The following TENM4 variants were observed in gnomAD, a reference collection of about 807,000 sequenced individuals.
The protein encoded by TENM4 is teneurin-4.
In TENM4, 82 loss-of-function variants were observed where a neutral mutation model predicts 243.3. That is an observed-to-expected ratio of 0.34 (90% CI 0.28 to 0.40). The LOEUF is 0.40. Among genes scored for constraint, TENM4 ranks in the 10% least tolerant of loss-of-function variants. The pLI is 1.00. For synonymous variants in TENM4, 1,412 were observed against 1,456.3 expected (o/e 0.97, Z 0.69); for missense variants, 3,138 against 3,673.3 (o/e 0.85, Z 3.77).
chr11:79,362,537 C>G (rs1000312064), intron 1 of TENM4, among the ~76,000 whole-genome samples: 1 of 152,186 alleles, frequency 6.6e-6, no homozygotes, highest in Admixed American at 6.5e-5. Context: ...ATTTCCAGAA[C>G]AAGTTCCCAC....
intron 6 of TENM4, among the ~76,000 whole-genome samples, chr11:78,920,597 T>A (rs1057308185): frequency 1.3e-5 from 2 of 152,134 alleles, no homozygotes; most frequent in African/African-American, 4.8e-5. Flanking sequence ...ATTGATTTTT[T>A]TTTTCTCCCC....
intron 1 of TENM4, among the ~76,000 whole-genome samples, chr11:79,361,177 GC>G (rs1357459685): frequency 6.6e-6 from 1 of 152,196 alleles, no homozygotes; most frequent in African/African-American, 2.4e-5. Flanking sequence ...CCACCCCTCT[GC>G]AGAAATTGGG....
chr11:78,996,232 C>T (rs907682025), intron 6 of TENM4, among the ~76,000 whole-genome samples: 2 of 152,170 alleles, frequency 1.3e-5, no homozygotes, highest in African/African-American at 2.4e-5. Flanking sequence ...TAGCTCTGGG[C>T]CCACACCCTA....
chr11:78,945,230 C>T (rs1856983721), intron 6 of TENM4, among the ~76,000 whole-genome samples: 1 of 152,180 alleles, frequency 6.6e-6, no homozygotes, highest in Non-Finnish European at 1.5e-5. Context: ...GCCATTTTTC[C>T]AACAGCACAT....
intron 4 of TENM4, among the ~76,000 whole-genome samples, chr11:79,148,071 C>T (rs78670777): frequency 7.3e-4 from 111 of 152,190 alleles, no homozygotes; most frequent in African/African-American, 2.6e-3. Context: ...TGAACCCAGG[C>T]CTGCTCTTTG....
chr11:78,674,420 C>T (rs183674552), intron 30 of TENM4, among the ~76,000 whole-genome samples: 1 of 152,274 alleles, frequency 6.6e-6, no homozygotes, highest in Non-Finnish European at 1.5e-5. Context: ...GCCTGGGAAA[C>T]TTTTGGTCCA....
At chr11:79,177,540 A>G (rs1008506662) in intron 3 of TENM4, among the ~76,000 whole-genome samples, 3 of 152,152 alleles carry the variant, frequency 2.0e-5, no homozygotes, top group African/African-American at 7.2e-5. Context: ...GTTAGAGTCT[A>G]AGGTGGAAGT....
chr11:79,128,676 G>A (rs1453477792), intron 4 of TENM4, among the ~76,000 whole-genome samples: 1 of 152,188 alleles, frequency 6.6e-6, no homozygotes, highest in Non-Finnish European at 1.5e-5. Context: ...CCTTTTGAAA[G>A]GATATCTCTG....
rs1246213453 is a variant in TENM4, at chr11:79,432,891, G to T, written c.-321+7618C>A. Among the ~76,000 whole-genome samples, 4 of 152,288 alleles carry T rather than the reference G, an allele frequency of 2.6e-5. No individual in the cohort carries two copies. In the South Asian group the frequency reaches 6.2e-4, roughly 24 times the overall value. ...CATCAAATGCTAGTTCTAGTGGTGT[G>T]ACCCTGGGCTCAGCCTTACTGAGCT... On this transcript the variant is annotated intron_variant, in intron 1 of 33. Coordinates refer to ENST00000278550, the MANE Select transcript of TENM4 (RefSeq NM_001098816.3).
intron 2 of TENM4, among the ~76,000 whole-genome samples, chr11:79,225,900 C>T (rs1000028902): frequency 2.6e-5 from 4 of 152,084 alleles, no homozygotes; most frequent in Middle Eastern, 3.2e-3. Flanking sequence ...CTTAAAGTTA[C>T]GAAAATGAGT....
chr11:79,311,842 T>G (rs522275), intron 1 of TENM4, among the ~76,000 whole-genome samples: 127,166 of 152,212 alleles, frequency 0.84, 53,617 homozygotes, highest in African/African-American at 0.92. Flanking sequence ...TGTGAAACAT[T>G]GCCCTGCAAC....
intron 12 of TENM4, among the ~76,000 whole-genome samples, chr11:78,836,336 G>T (rs188554877): frequency 2.3e-3 from 343 of 152,284 alleles, no homozygotes; most frequent in African/African-American, 7.9e-3. Context: ...GGCAACAAGA[G>T]TGAGACTCTG....
chr11:79,379,123 G>GCGAGGGTGCTGGA (rs1300083082), intron 1 of TENM4, among the ~76,000 whole-genome samples: 1 of 152,174 alleles, frequency 6.6e-6, no homozygotes, highest in Non-Finnish European at 1.5e-5. Context: ...GCCTTTACAA[G>GCGAGGGTGCTGGA]CGAGGGTGCT....
Position 79,108,548 on chromosome 11 carries a change from A to C in TENM4, c.-65-38539T>G, listed in dbSNP as rs533113973. Among the ~76,000 whole-genome samples the C allele has an allele frequency of 2.6e-5, 4 of 152,234 alleles. No homozygotes were observed. The East Asian group carries it at 7.7e-4, about 29-fold the overall frequency. On this transcript the variant is annotated intron_variant, in intron 4 of 33. Coordinates refer to ENST00000278550, the MANE Select transcript of TENM4 (RefSeq NM_001098816.3). ...AGAACATATATATGTAGGTATACAT[A>C]ATATTCCATTAGCTCTATTATCCTG...
intron 6 of TENM4, among the ~76,000 whole-genome samples, chr11:79,022,333 G>A (rs980270117): frequency 1.3e-5 from 2 of 152,234 alleles, no homozygotes; most frequent in Non-Finnish European, 2.9e-5. Flanking sequence ...TTTTCATTCC[G>A]TGACCCTGTG....
intron 12 of TENM4, among the ~76,000 whole-genome samples, chr11:78,822,709 T>C (rs989964084): frequency 2.6e-5 from 4 of 151,976 alleles, no homozygotes; most frequent in Admixed American, 6.5e-5. Context: ...GTCATGCACA[T>C]GTACCCTGGA....
chr11:78,663,438 C>A (rs1489201636), intron 32 of TENM4, among the ~76,000 whole-genome samples: 3 of 152,180 alleles, frequency 2.0e-5, no homozygotes, highest in Non-Finnish European at 4.4e-5. Flanking sequence ...ATGGCAGATC[C>A]TTCATGAATG....
Position 78,771,139 on chromosome 11 carries a change from C to G in TENM4, c.2393-1G>C. On this transcript the variant is annotated splice_acceptor_variant, in intron 17 of 33. Coordinates refer to ENST00000278550, the MANE Select transcript of TENM4 (RefSeq NM_001098816.3). LOFTEE classifies it high-confidence loss of function. The stretch of plus-strand genomic sequence containing the variant: ...CCATTGCACAACCCAGGGCAACCCT[C>G]TGAAAGACAAAGTACAGGGTTGAGG... 1 of 1,565,688 alleles carries G rather than the reference C, an allele frequency of 6.4e-7. No individual in the cohort carries two copies. The highest frequency in any genetic ancestry group is 8.7e-7 in the Non-Finnish European group (1 of 1,154,996).
chr11:78,817,540 T>C (rs1254988431), intron 12 of TENM4, among the ~76,000 whole-genome samples: 3 of 152,234 alleles, frequency 2.0e-5, no homozygotes, highest in African/African-American at 7.2e-5. Context: ...GAAGAATCCA[T>C]GTTCCCAAGA....
Sources: allele counts gnomAD v4.1 joint callset (sites outside exome capture counted in the v4.1 genomes callset), GRCh38; gene constraint gnomAD v4.1.1; transcripts MANE v1.5; gene names NCBI Gene and HGNC (gene_info 2026-07-23, HGNC 2026-07-21).